ZSCAN31: variants seen among roughly 807,000 people sequenced by gnomAD.
ZSCAN31 encodes zinc finger and SCAN domain-containing protein 31.
A neutral mutation model predicts 22.5 loss-of-function variants in ZSCAN31; 14 were observed. The ratio of observed to expected loss-of-function variants is 0.62; its 90% CI spans 0.41 to 0.97. The LOEUF (loss-of-function observed/expected upper bound fraction) is 0.97. Ranked by LOEUF, ZSCAN31 falls within the 50% of genes least tolerant of loss-of-function variation. The pLI, the probability that ZSCAN31 is intolerant of heterozygous loss-of-function variation, is 0.00. For synonymous variants in ZSCAN31, 168 were observed against 169.8 expected (o/e 0.99, Z 0.08); for missense variants, 424 against 483.4 (o/e 0.88, Z 1.15).
upstream of ZSCAN31, among the ~76,000 whole-genome samples, chr6:28,339,619 A>G (rs898887755): frequency 3.3e-5 from 5 of 152,214 alleles, no homozygotes; most frequent in African/African-American, 9.6e-5. Context: ...ATTTGCTCTC[A>G]GTTCTTTAAT....
intron 3 of ZSCAN31, 136 bp downstream of exon 3, chr6:28,327,247 G>T: frequency 9.6e-7 from 1 of 1,039,276 alleles, no homozygotes; most frequent in Non-Finnish European, 1.4e-6. Flanking sequence ...TACCTGACTT[G>T]TCCATTGTCA....
Position 28,326,239 on chromosome 6 carries a change from T to G in ZSCAN31, c.1148A>C (p.Gln383Pro). Residue 383 changes from glutamine (Q) to proline (P), a missense_variant, in exon 4 of 4, where the codon CAG becomes CCG. By Grantham distance (76) the Gln-to-Pro change is moderately conservative. Transcript: ENST00000344279. ...HTGEKPYQCS[Q>P]CSKLFSKRTL... The stretch of plus-strand genomic sequence containing the variant: ...CCGCTTACTAAAGAGTTTACTGCAC[T>G]GACTGCACTGATAGGGTTTCTCACC... The G allele has an allele frequency of 2.5e-6, 4 of 1,614,200 alleles. No homozygotes were observed. Among genetic ancestry groups the G allele is most frequent in the Non-Finnish European group, 3.4e-6 (4 of 1,180,032 alleles).
intron 1 of ZSCAN31, among the ~76,000 whole-genome samples, chr6:28,330,095 T>C (rs1220690803): frequency 6.6e-6 from 1 of 152,206 alleles, no homozygotes; most frequent in Non-Finnish European, 1.5e-5. Context: ...ACAGTACTTA[T>C]GTGACTGGGT....
In ZSCAN31 at chr6:28,327,945, A is replaced by C. The variant is rs190953204; in HGVS notation, c.382-412T>G. Among the ~76,000 whole-genome samples, 422 of 152,352 alleles carry C rather than the reference A, an allele frequency of 2.8e-3. 3 individuals are homozygous for C. The highest frequency in any genetic ancestry group is 9.6e-3 in the African/African-American group (398 of 41,578). On this transcript the variant is annotated intron_variant, in intron 2 of 3. Transcript: ENST00000344279. ...TGAGAAATAAAGGGACAGAGTACAAAAGAGAGAAATTTTAAAGCTGGGTGT... is the reference window on the plus strand; with the variant it reads ...TGAGAAATAAAGGGACAGAGTACAACAGAGAGAAATTTTAAAGCTGGGTGT...
intron 1 of ZSCAN31, chr6:28,335,228 C>T (rs1354742749): frequency 6.6e-6 from 1 of 152,118 alleles, no homozygotes; most frequent in Non-Finnish European, 1.5e-5. Context: ...TAAAACTAAG[C>T]CTGGGGAAAA....
rs952877260 is a variant in ZSCAN31 at position 28,351,128 on chromosome 6, C to A, written c.-371+2734G>T. On this transcript the variant is annotated intron_variant, in intron 2 of 7. Transcript: ENST00000396838. The surrounding 1 kb of genome is among the most constrained non-coding windows in gnomAD (Gnocchi z 4.6). ...TCTTTTCTGTTAATGAGAAACTTTC[C>A]TTTCCTTATCTTCAGTATATTTACT... Among the ~76,000 whole-genome samples the A allele has an allele frequency of 1.3e-5, 2 of 152,148 alleles. No homozygotes were observed. The highest frequency in any genetic ancestry group is 1.3e-4 in the Admixed American group (2 of 15,272).
At chr6:28,345,749 T>TG (rs1764616725) in intron 2 of ZSCAN31, among the ~76,000 whole-genome samples, 3 of 152,254 alleles carry the variant, frequency 2.0e-5, no homozygotes, top group South Asian at 2.1e-4. Flanking sequence ...CACATGACCA[T>TG]GGGATCCACT....
Position 28,333,181 on chromosome 6 carries a change from G to A in ZSCAN31, c.-96+2901C>T, listed in dbSNP as rs1443809067. ...ACCTGCAGTGGACTTCCACACTCAT[G>A]AAAGGGAGACAGAAAAATAAAAGGT... On this transcript the variant is annotated intron_variant, in intron 1 of 3. Coordinates refer to ENST00000344279, the MANE Select transcript of ZSCAN31 (RefSeq NM_030899.5). The surrounding 1 kb of genome is among the most constrained non-coding windows in gnomAD (Gnocchi z 4.1). 6.7e-6 allele frequency among the ~76,000 whole-genome samples: 1 copy of A among 149,840 alleles called. No individual in the cohort carries two copies. Among genetic ancestry groups the A allele is most frequent in the Non-Finnish European group, 1.5e-5 (1 of 67,988 alleles).
upstream of ZSCAN31, among the ~76,000 whole-genome samples, chr6:28,339,200 A>G (rs1764315584): frequency 6.6e-6 from 1 of 152,072 alleles, no homozygotes; most frequent in Admixed American, 6.6e-5. Flanking sequence ...ATATAATTTG[A>G]CATTGTTTCT....
At chr6:28,337,485 T>G, upstream of ZSCAN31, among the ~76,000 whole-genome samples, 1 of 152,156 alleles carries the variant, frequency 6.6e-6, no homozygotes, top group East Asian at 1.9e-4. Context: ...AGGGCCTGAA[T>G]CAAGGCAGTA....
In ZSCAN31 at chr6:28,327,494, C is replaced by T; in HGVS notation, c.421G>A (p.Glu141Lys). The T allele has an allele frequency of 6.2e-7, 1 of 1,613,870 alleles. No homozygotes were observed. Among genetic ancestry groups the T allele is most frequent in the Non-Finnish European group, 8.5e-7 (1 of 1,180,016 alleles). Residue 141 changes from glutamate to lysine, a missense_variant, in exon 3 of 4, where the codon GAG becomes AAG. Glu to Lys is a moderately conservative substitution (Grantham distance 56, BLOSUM62 1). Transcript: ENST00000344279. ...HEHGHSEVLL[E>K]DVEHLKVKQE... is the part of the protein sequence containing the mutation. The stretch of plus-strand genomic sequence containing the variant: ...TTGACCTTCAGATGTTCCACATCCT[C>T]CAAGAGCACTTCAGAATGTCCATGT...
chr6:28,338,085 AAAAC>A (rs199753236), upstream of ZSCAN31, among the ~76,000 whole-genome samples: 2,247 of 141,246 alleles, frequency 0.016, 48 homozygotes, highest in African/African-American at 0.048. Context: ...AAAAAGAAAA[AAAAC>A]AAAAATGGAG....
intron 1 of ZSCAN31, among the ~76,000 whole-genome samples, chr6:28,334,086 T>C (rs1167133650): frequency 2.0e-5 from 3 of 152,222 alleles, no homozygotes; most frequent in Admixed American, 2.0e-4. Context: ...AGCTTAACCT[T>C]TGTAAAAGCA....
intron 1 of ZSCAN31, among the ~76,000 whole-genome samples, chr6:28,332,051 T>C (rs1248092448): frequency 6.6e-6 from 1 of 152,128 alleles, no homozygotes; most frequent in Admixed American, 6.5e-5. Flanking sequence ...TCTCCCCTCC[T>C]ATATCCCCTT....
intron 2 of ZSCAN31, chr6:28,350,303 AG>A (rs796586042): frequency 7.2e-5 from 11 of 152,156 alleles, no homozygotes; most frequent in African/African-American, 2.4e-4. Flanking sequence ...TCGGTTCTTG[AG>A]GGTATTTGGA....
At chr6:28,348,943 C>G (rs997277090) in intron 2 of ZSCAN31, among the ~76,000 whole-genome samples, 1 of 147,604 alleles carries the variant, frequency 6.8e-6, no homozygotes, top group African/African-American at 2.5e-5. Context: ...GGTGTATATA[C>G]ATGTCTCATA....
chr6:28,326,297 C>T lies in ZSCAN31; in HGVS notation c.1090G>A (p.Ala364Thr). The T allele has an allele frequency of 6.2e-7, 1 of 1,613,746 alleles. No individual in the cohort carries two copies. The highest frequency in any genetic ancestry group is 8.5e-7 in the Non-Finnish European group (1 of 1,179,882). The change falls in exon 4 of 4, where the codon GCA becomes ACA. Residue 364 changes from alanine to threonine, a missense_variant. By Grantham distance (58) the Ala-to-Thr change is moderately conservative. Transcript: ENST00000344279. ...RECGKAFIQNAGLFQHLRVHT... is the reference protein window; with the variant it reads ...RECGKAFIQNTGLFQHLRVHT... ...ACTCGGAGATGCTGGAAAAGCCCTG[C>T]ATTCTGAATGAAGGCTTTGCCACAC...
chr6:28,326,946 G>A, intron 3 of ZSCAN31, 92 bp from the exon 4 acceptor site: 3 of 1,224,272 alleles, frequency 2.5e-6, no homozygotes, highest in Non-Finnish European at 3.4e-6. Context: ...ATATCAAACA[G>A]ACATGTTCTA....
rs1258663031 is a variant in ZSCAN31 at position 28,349,878 on chromosome 6, CAG to C, written c.-371+3982_-371+3983del. On this transcript the variant is annotated intron_variant, in intron 2 of 7. Transcript: ENST00000396838. This position sits in a 1 kb window ranked among gnomAD's most constrained non-coding sequence, Gnocchi z 4.1. ...CACAAGGTGCCGAGCTAGCAAACGA[CAG>C]AGTCTGTCAGGGAGGTGGCTAGAGA... 1.3e-5 allele frequency: 2 copies of C among 152,234 alleles called. No individual in the cohort carries two copies. The highest frequency in any genetic ancestry group is 4.8e-5 in the African/African-American group (2 of 41,464). 9.4% of individuals were successfully genotyped at this position (152,234 alleles called of 1,614,324 possible). A position where few individuals can be genotyped will look rare whatever the true frequency, so the allele number is the denominator to read the frequency against.
Sources: allele counts gnomAD v4.1 joint callset (sites outside exome capture counted in the v4.1 genomes callset), GRCh38; gene constraint gnomAD v4.1.1; non-coding constraint Gnocchi (gnomAD v3.1); transcripts MANE v1.5; gene names NCBI Gene and HGNC (gene_info 2026-07-23, HGNC 2026-07-21).